EMC10: variants seen among roughly 807,000 people sequenced by gnomAD.
EMC10 encodes the protein ER membrane protein complex subunit 10.
EMC10 carries 40 observed loss-of-function variants against 32.2 expected under a neutral mutation model. The ratio of observed to expected loss-of-function variants is 1.24; its 90% confidence interval spans 0.96 to 1.61. The LOEUF (loss-of-function observed/expected upper bound fraction) is 1.61. Among genes scored for constraint, EMC10 ranks in the 40% most tolerant of loss-of-function variants. EMC10 has a pLI of 0.00. For synonymous variants in EMC10, 178 were observed against 158.4 expected (o/e 1.12, Z -0.93); for missense variants, 402 against 357.7 (o/e 1.12, Z -1.00).
intron 2 of EMC10, 76 bp from the exon 3 acceptor site, chr19:50,478,880 AG>A: frequency 6.0e-6 from 7 of 1,174,530 alleles, no homozygotes; most frequent in Non-Finnish European, 6.1e-6. Flanking sequence ...CAAAATTTGA[AG>A]CTGGACCTCC....
chr19:50,482,370 C>T lies in EMC10; in HGVS notation c.*111C>T. ...AAGGGTTTGCTGGTCCCTCCTTTCC[C>T]CCCGTCCCACGAGGCCACCTGGGCC... On this transcript the variant is annotated 3_prime_UTR_variant, in exon 7 of 7. Transcript: ENST00000334976. 4 of 620,302 alleles carry T rather than the reference C, an allele frequency of 6.4e-6. No individual in the cohort carries two copies. The highest frequency in any genetic ancestry group is 8.6e-6 in the Non-Finnish European group (3 of 348,752). The allele number at this position is 620,302 out of a possible 1,614,324, so 38.4% of individuals were successfully genotyped here.
Position 50,477,945 on chromosome 19 carries a change from G to C in EMC10, c.131G>C (p.Arg44Pro). The C allele has an allele frequency of 2.5e-6, 4 of 1,598,402 alleles. No homozygotes were observed. The highest frequency in any genetic ancestry group is 1.8e-5 in the Admixed American group (1 of 55,158). ...CCTCTGCAGGCTGGGGCGGAAGGTCGAGAGGGCGAGGCCTGTGGCACGGTG... is the reference window on the plus strand; with the variant it reads ...CCTCTGCAGGCTGGGGCGGAAGGTCCAGAGGGCGAGGCCTGTGGCACGGTG... The part of the protein sequence containing the change: ...TGARGAGAEG[R>P]EGEACGTVGL... The change falls in exon 2 of 7, where the codon CGA (arginine) becomes CCA (proline). Residue 44 changes from arginine to proline, a missense_variant. Coordinates refer to ENST00000334976, the MANE Select transcript of EMC10 (RefSeq NM_206538.4).
At chr19:50,481,573 C>T (rs2040319834) in intron 6 of EMC10, 1 of 469,392 alleles carries the variant, frequency 2.1e-6, no homozygotes, top group Non-Finnish European at 3.8e-6. Context: ...GGCACAGGAG[C>T]CCAGGCAGGC....
chr19:50,487,783 G>T lies in EMC10; in HGVS notation c.*5524G>T. 6.5e-6 allele frequency: 1 copy of T among 152,828 alleles called. No individual in the cohort carries two copies. 9.5% of individuals were successfully genotyped at this position (152,828 alleles called of 1,614,324 possible). ...GCTTGAAGGAGAGAGAGCCAGGAGA[G>T]GAGACAGGTCCAGAGAGGAGGGAAA... On this transcript the variant is annotated 3_prime_UTR_variant, in exon 7 of 7. Transcript: ENST00000334976.
At chr19:50,479,903 G>A (rs2040289475) in intron 3 of EMC10, among the ~76,000 whole-genome samples, 1 of 152,224 alleles carries the variant, frequency 6.6e-6, no homozygotes, top group African/African-American at 2.4e-5. Flanking sequence ...CCTAGGTGGG[G>A]CGGTCCCAGC....
Position 50,480,994 on chromosome 19 carries a change from C to G in EMC10, c.678+17C>G, listed in dbSNP as rs757103645. The G allele has an allele frequency of 4.4e-6, 7 of 1,586,112 alleles. No homozygotes were observed. The highest frequency in any genetic ancestry group is 6.0e-6 in the Non-Finnish European group (7 of 1,160,778). ...GCCAAATACGTGAGTGGGGCTCCCC[C>G]GCCTCCCCTATTCCCTTCCTGACAG... On this transcript the variant is annotated intron_variant, in intron 6 of 6. Coordinates refer to ENST00000334976, the MANE Select transcript of EMC10 (RefSeq NM_206538.4). This position sits in a 1 kb window ranked among gnomAD's most constrained non-coding sequence, Gnocchi z 4.4.
rs1036358315 is a variant in EMC10, at chr19:50,483,904, T to C, written c.*1645T>C. The C allele has an allele frequency of 1.3e-5, 2 of 151,950 alleles. No homozygotes were observed. Among genetic ancestry groups the C allele is most frequent in the African/African-American group, 4.8e-5 (2 of 41,360 alleles). 9.4% of individuals were successfully genotyped at this position (151,950 alleles called of 1,614,324 possible). On this transcript the variant is annotated 3_prime_UTR_variant, in exon 7 of 7. Transcript: ENST00000334976. ...ATAAAGAAGATAGTCTTAGCATTGC[T>C]AACTTCTGTTTCTTTCTCCACCTGC...
rs543448718 is a variant in EMC10 at position 50,480,805 on chromosome 19, G to A, written c.584+43G>A. The A allele has an allele frequency of 1.1e-5, 18 of 1,565,718 alleles. No individual in the cohort carries two copies. Among genetic ancestry groups the A allele is most frequent in the Middle Eastern group, 1.7e-4 (1 of 5,856 alleles). ...TCGCGGCGCTCTTGCCACCTGCCCC[G>A]GCCCTTCCTGGCGGCCTCAGGGTCT... On this transcript the variant is annotated intron_variant, in intron 5 of 6. Transcript: ENST00000334976. This position sits in a 1 kb window ranked among gnomAD's most constrained non-coding sequence, Gnocchi z 4.4.
In EMC10 at chr19:50,476,925, A is replaced by G. The variant is rs376504879; in HGVS notation, c.114+267A>G. On this transcript the variant is annotated intron_variant, in intron 1 of 6. Coordinates refer to ENST00000334976, the MANE Select transcript of EMC10 (RefSeq NM_206538.4). ...TGAGGGGGCGGGGCTGGGGGTGTGG[A>G]ATCTTGGAGAATCCGACGTCCGGGC... The G allele has an allele frequency of 1.6e-5, 6 of 365,510 alleles. No individual in the cohort carries two copies. The South Asian group carries it at 2.6e-4, about 16-fold the overall frequency. The allele number at this position is 365,510 out of a possible 1,614,324, so 22.6% of individuals were successfully genotyped here.
rs1294468122 is a variant in EMC10, at chr19:50,480,753, C to T, written c.575C>T (p.Thr192Ile). 6.3e-7 allele frequency: 1 copy of T among 1,594,100 alleles called. No homozygotes were observed. Among genetic ancestry groups the T allele is most frequent in the Non-Finnish European group, 8.5e-7 (1 of 1,170,140 alleles). Residue 192 changes from threonine to isoleucine, a missense_variant, in exon 5 of 7, where the codon ACA becomes ATA. Coordinates refer to ENST00000334976, the MANE Select transcript of EMC10 (RefSeq NM_206538.4). The surrounding 1 kb of genome is among the most constrained non-coding windows in gnomAD (Gnocchi z 4.4). The stretch of plus-strand genomic sequence containing the variant: ...TCGGTGCAGCTGCAGCCGCCCACCA[C>T]AGCCCCAGGGTGAGCCTCTGCTGCC... ...NTSVQLQPPT[T>I]APGPETAAFI...
intron 6 of EMC10, chr19:50,481,733 G>A: frequency 2.7e-6 from 2 of 747,254 alleles, no homozygotes; most frequent in Non-Finnish European, 4.2e-6. Context: ...GGGAACTGAG[G>A]CCCAGAGGCT....
rs1167680489 is a variant in EMC10, at chr19:50,485,307, C to G, written c.*3048C>G. The G allele has an allele frequency of 1.3e-5, 2 of 152,222 alleles. No homozygotes were observed. Among genetic ancestry groups the G allele is most frequent in the African/African-American group, 4.8e-5 (2 of 41,412 alleles). 9.4% of individuals were successfully genotyped at this position (152,222 alleles called of 1,614,324 possible). A position where few individuals can be genotyped will look rare whatever the true frequency, so the allele number is the denominator to read the frequency against. ...TTCACCCTGGAGGTTCCAGACAGCC[C>G]CTCTTCACCAGCGATTCCCCAACTC... On this transcript the variant is annotated 3_prime_UTR_variant, in exon 7 of 7. Coordinates refer to ENST00000334976, the MANE Select transcript of EMC10 (RefSeq NM_206538.4).
Position 50,476,637 on chromosome 19 carries a change from G to T in EMC10, c.93G>T (p.Arg31=). 6.5e-7 allele frequency: 1 copy of T among 1,545,058 alleles called. No homozygotes were observed. Among genetic ancestry groups the T allele is most frequent in the South Asian group, 1.2e-5 (1 of 84,554 alleles). ...APSRARGSGC[R]AGTGARGAGA... ...GTCGAGCCCGGGGCAGCGGCTGCCG[G>T]GCCGGGACTGGTGCGCGAGGGGTGA... The change falls in exon 1 of 7, where the codon CGG becomes CGT. Residue 31 remains arginine, a synonymous_variant. Coordinates refer to ENST00000334976, the MANE Select transcript of EMC10 (RefSeq NM_206538.4).
intron 6 of EMC10, chr19:50,481,209 T>C: frequency 4.1e-6 from 2 of 492,708 alleles, no homozygotes; most frequent in Non-Finnish European, 7.2e-6. Flanking sequence ...GGGGGAGGTC[T>C]CGGCCTGAGC....
In EMC10 at chr19:50,480,357, C is replaced by T. The variant is rs2040298271; in HGVS notation, c.402+142C>T. Reference sequence around the variant, plus strand: ...TCAGACCTGGCCTTGCCTTCCGAGGCCTCCTGGTCTGGAGGGGTCGGTCCA... The same window carrying T: ...TCAGACCTGGCCTTGCCTTCCGAGGTCTCCTGGTCTGGAGGGGTCGGTCCA... On this transcript the variant is annotated intron_variant, in intron 4 of 6. Transcript: ENST00000334976. The surrounding 1 kb of genome is among the most constrained non-coding windows in gnomAD (Gnocchi z 4.4). 8 of 1,007,726 alleles carry T rather than the reference C, an allele frequency of 7.9e-6. No individual in the cohort carries two copies. The highest frequency in any genetic ancestry group is 3.2e-5 in the South Asian group (2 of 62,032). The allele number at this position is 1,007,726 out of a possible 1,614,324, so 62.4% of individuals were successfully genotyped here.
chr19:50,482,015 G>T, intron 6 of EMC10, 134 bp from the exon 7 acceptor site: 2 of 1,588,212 alleles, frequency 1.3e-6, no homozygotes, highest in Non-Finnish European at 1.7e-6. Context: ...TGACGTAGGG[G>T]ACCTGGGCGC....
chr19:50,477,857 TG>T, intron 1 of EMC10, 71 bp from the exon 2 acceptor site: 1 of 1,238,712 alleles, frequency 8.1e-7, no homozygotes, highest in Non-Finnish European at 1.1e-6. Flanking sequence ...CTGTCTGTCC[TG>T]GGTTCTGTGG....
intron 6 of EMC10, chr19:50,481,763 C>G: frequency 9.6e-7 from 1 of 1,046,908 alleles, no homozygotes; most frequent in Non-Finnish European, 1.4e-6. Flanking sequence ...CCTGCTGGGC[C>G]CTGCCCTGCT....
rs1344385411 is a variant in EMC10, at chr19:50,490,760, A to G, written c.*8501A>G. 1 of 152,264 alleles carries G rather than the reference A, an allele frequency of 6.6e-6. No homozygotes were observed. The highest frequency in any genetic ancestry group is 2.4e-5 in the African/African-American group (1 of 41,436). 9.4% of individuals were successfully genotyped at this position (152,264 alleles called of 1,614,324 possible). A position where few individuals can be genotyped will look rare whatever the true frequency, so the allele number is the denominator to read the frequency against. On this transcript the variant is annotated 3_prime_UTR_variant, in exon 7 of 7. Coordinates refer to ENST00000334976, the MANE Select transcript of EMC10 (RefSeq NM_206538.4). ...AAGGGAAAGACAATGAGCAAGAGCC[A>G]GCGGGACGGTGGGGCGGATGGCAGA... is the stretch of plus-strand genomic sequence containing the variant.
Sources: gnomAD v4.1 joint callset for allele counts (sites outside exome capture counted in the v4.1 genomes callset) on GRCh38, gnomAD v4.1.1 for gene constraint, Gnocchi (gnomAD v3.1) non-coding constraint, MANE v1.5 for transcripts, NCBI Gene and HGNC (gene_info 2026-07-23, HGNC 2026-07-21) for gene names.